The following TRIM33 variants were observed in gnomAD, a reference collection of about 807,000 sequenced individuals.
TRIM33 encodes the protein E3 ubiquitin-protein ligase TRIM33.
TRIM33 carries 20 observed loss-of-function variants against 125.4 expected under a neutral mutation model. The observed-to-expected ratio is 0.16, with a 90% confidence interval of 0.11 to 0.23. The LOEUF (loss-of-function observed/expected upper bound fraction) is 0.23, where lower values mean the gene tolerates loss of function less well. Among genes scored for constraint, TRIM33 ranks in the 10% least tolerant of loss-of-function variants. The pLI is 1.00. For synonymous variants in TRIM33, 564 were observed against 513.9 expected, an observed-to-expected ratio of 1.10 and a Z score of -1.32; for missense variants, 920 against 1,411.4, an observed-to-expected ratio of 0.65 and a Z score of 5.58.
At chr1:114,492,785 A>T (rs897646471) in intron 1 of TRIM33, among the ~76,000 whole-genome samples, 1 of 152,250 alleles carries the variant, frequency 6.6e-6, no homozygotes, top group South Asian at 2.1e-4. Context: ...ATCCCATTAC[A>T]TGTATATACA....
At chr1:114,430,750 A>C in intron 6 of TRIM33, 48 bp downstream of exon 6, 1 of 984,714 alleles carries the variant, frequency 1.0e-6, no homozygotes, top group Non-Finnish European at 1.6e-6. Flanking sequence ...AAAAACAGCT[A>C]AAGAGCAAGA....
chr1:114,421,576 T>C lies in TRIM33; in HGVS notation c.1921A>G (p.Asn641Asp). ...PVVSVHNTTI[N>D]PTSPTTATMA... ...GTTGCTGTAGTAGGGCTCGTTGGGT[T>C]GATTGTGGTGTTGTGTACCGATACT... Residue 641 changes from asparagine (N) to aspartate (D), a missense_variant, in exon 11 of 20, where the codon AAC (asparagine) becomes GAC (aspartate). Around this residue, in one of 8 missense-constraint regions of TRIM33, gnomAD observed 407 missense variants for 589.7 expected, o/e 0.69. Coordinates refer to ENST00000358465, the MANE Select transcript of TRIM33 (RefSeq NM_015906.4). The C allele has an allele frequency of 6.2e-7, 1 of 1,614,118 alleles. No individual in the cohort carries two copies. Among genetic ancestry groups the C allele is most frequent in the East Asian group, 2.2e-5 (1 of 44,880 alleles).
intron 4 of TRIM33, among the ~76,000 whole-genome samples, chr1:114,436,192 G>A (rs1648281133): frequency 1.3e-5 from 2 of 151,506 alleles, no homozygotes. Flanking sequence ...AACGAGGTCA[G>A]GAGATCGAGA....
At chr1:114,490,531 TC>T (rs575399316) in intron 1 of TRIM33, among the ~76,000 whole-genome samples, 110 of 152,208 alleles carry the variant, frequency 7.2e-4, no homozygotes, top group African/African-American at 2.5e-3. Context: ...AATTGCACTC[TC>T]AAGTATACAC....
chr1:114,464,596 A>G (rs956639642), intron 1 of TRIM33, among the ~76,000 whole-genome samples: 1 of 152,192 alleles, frequency 6.6e-6, no homozygotes, highest in South Asian at 2.1e-4. Flanking sequence ...GATGCCTCCC[A>G]AGAAGTGCTT....
chr1:114,441,530 G>GC (rs1262130925), intron 4 of TRIM33, among the ~76,000 whole-genome samples: 2 of 152,156 alleles, frequency 1.3e-5, no homozygotes, highest in Non-Finnish European at 2.9e-5. Flanking sequence ...GGGAACTCTT[G>GC]AAGACGTGAT....
chr1:114,494,460 A>G (rs955942599), intron 1 of TRIM33, among the ~76,000 whole-genome samples: 2 of 152,312 alleles, frequency 1.3e-5, no homozygotes, highest in African/African-American at 4.8e-5. Flanking sequence ...TTAACTTTTC[A>G]ACCAGTGGGA....
At chr1:114,422,698 C>T (rs561287263) in intron 10 of TRIM33, among the ~76,000 whole-genome samples, 2 of 150,712 alleles carry the variant, frequency 1.3e-5, no homozygotes, top group Non-Finnish European at 3.0e-5. Flanking sequence ...TTGGAAATAA[C>T]GATGTTGGGT....
intron 8 of TRIM33, 109 bp downstream of exon 8, chr1:114,427,068 T>G (rs1405862038): frequency 3.6e-6 from 2 of 550,072 alleles, no homozygotes; most frequent in East Asian, 6.1e-5. Context: ...ACATAAAATG[T>G]AAAACATTAG....
intron 17 of TRIM33, among the ~76,000 whole-genome samples, chr1:114,400,273 C>G (rs1341938480): frequency 6.6e-6 from 1 of 152,130 alleles, no homozygotes; most frequent in African/African-American, 2.4e-5. Flanking sequence ...GCAGTGGCGC[C>G]AACTGTGGCT....
At chr1:114,430,430 G>A (rs938951862) in intron 6 of TRIM33, among the ~76,000 whole-genome samples, 2 of 152,012 alleles carry the variant, frequency 1.3e-5, no homozygotes, top group Admixed American at 6.6e-5. Context: ...TTTTTGTAGA[G>A]GCAGGTTTCG....
chr1:114,478,551 A>C (rs2101470642), intron 1 of TRIM33, among the ~76,000 whole-genome samples: 1 of 152,308 alleles, frequency 6.6e-6, no homozygotes, highest in East Asian at 1.9e-4. Flanking sequence ...AAAAAACTAA[A>C]GGCCAAGTGA....
chr1:114,453,454 A>G (rs891744132), intron 4 of TRIM33, among the ~76,000 whole-genome samples: 15 of 152,188 alleles, frequency 9.9e-5, no homozygotes, highest in African/African-American at 3.6e-4. Flanking sequence ...CCGCATGTAC[A>G]AAGTTGGAGG....
At chr1:114,442,234 A>G (rs772439741) in intron 4 of TRIM33, among the ~76,000 whole-genome samples, 5 of 152,216 alleles carry the variant, frequency 3.3e-5, no homozygotes, top group Non-Finnish European at 7.3e-5. Context: ...TTGTCTGACA[A>G]TAAGTGTACC....
intron 4 of TRIM33, among the ~76,000 whole-genome samples, chr1:114,461,775 G>C (rs1196572972): frequency 6.6e-6 from 1 of 152,038 alleles, no homozygotes; most frequent in Non-Finnish European, 1.5e-5. Flanking sequence ...AAAAAGATCT[G>C]ACTGCAGCTG....
rs1057176278 is a variant in TRIM33, at chr1:114,510,414, G to A, written c.526+137C>T. ...AGCTTCTCTGGAAAGTGTCCCAGGG[G>A]CGAGTCTTTCACCTTAGAGACCCCT... On this transcript the variant is annotated intron_variant, in intron 1 of 19. Coordinates refer to ENST00000358465, the MANE Select transcript of TRIM33 (RefSeq NM_015906.4). The A allele has an allele frequency of 2.5e-4, 182 of 736,326 alleles. No individual in the cohort carries two copies. The East Asian group carries it at 5.9e-3, about 24-fold the overall frequency. The allele number at this position is 736,326 out of a possible 1,614,324, so 45.6% of individuals were successfully genotyped here.
At chr1:114,495,302 G>A (rs963770104) in intron 1 of TRIM33, among the ~76,000 whole-genome samples, 1 of 152,034 alleles carries the variant, frequency 6.6e-6, no homozygotes, top group Non-Finnish European at 1.5e-5. Flanking sequence ...GTTCCTGAAG[G>A]CATCTGAGTT....
rs541527406 is a variant in TRIM33, at chr1:114,394,437, T to C, written c.*3211A>G. ...TTAACACTAATCACTAATAATTACA[T>C]GGCAGGATACCTGCTGAGGTAATTG... On this transcript the variant is annotated 3_prime_UTR_variant, in exon 20 of 20. Transcript: ENST00000358465. 4 of 219,000 alleles carry C rather than the reference T, an allele frequency of 1.8e-5. No homozygotes were observed. In the East Asian group the frequency reaches 2.7e-4, roughly 15 times the overall value. The allele number at this position is 219,000 out of a possible 1,614,324, so 13.6% of individuals were successfully genotyped here.
At chr1:114,414,831 G>A (rs756462750) in intron 11 of TRIM33, among the ~76,000 whole-genome samples, 2 of 151,994 alleles carry the variant, frequency 1.3e-5, no homozygotes, top group Non-Finnish European at 2.9e-5. Context: ...ATACAAAAGC[G>A]TAATAGTGGT....
Sources: allele counts gnomAD v4.1 joint callset (sites outside exome capture counted in the v4.1 genomes callset), GRCh38; gene constraint gnomAD v4.1.1; regional missense constraint gnomAD v4.1.1; transcripts MANE v1.5; gene names NCBI Gene and HGNC (gene_info 2026-07-23, HGNC 2026-07-21).